DAPK1: variants seen among roughly 807,000 people sequenced by gnomAD.
The protein encoded by DAPK1 is death associated protein kinase 1, also known as death-associated protein kinase 1.
Under a neutral mutation model 144.9 loss-of-function variants are expected in DAPK1, and 56 were observed. The observed-to-expected ratio is 0.39, with a 90% confidence interval of 0.31 to 0.48. The LOEUF is 0.48. Among genes scored for constraint, DAPK1 ranks in the 20% least tolerant of loss-of-function variants. DAPK1 has a pLI of 0.95. For synonymous variants in DAPK1, 690 were observed against 749.0 expected (o/e 0.92, Z 1.29); for missense variants, 1,454 against 1,875.4 (o/e 0.78, Z 4.15).
intron 2 of DAPK1, among the ~76,000 whole-genome samples, chr9:87,514,991 A>C (rs1824989697): frequency 6.6e-6 from 1 of 152,198 alleles, no homozygotes; most frequent in Non-Finnish European, 1.5e-5. Context: ...TGGGAGAGAC[A>C]CTGACAAACT....
chr9:87,561,342 C>T (rs531340118), intron 2 of DAPK1, among the ~76,000 whole-genome samples: 32 of 152,130 alleles, frequency 2.1e-4, no homozygotes, highest in African/African-American at 6.5e-4. Flanking sequence ...CTGGCTAACA[C>T]GGTGAAACCT....
At chr9:87,703,635 G>C (rs36219779) in intron 25 of DAPK1, among the ~76,000 whole-genome samples, 1,843 of 152,286 alleles carry the variant, frequency 0.012, 41 homozygotes, top group African/African-American at 0.042. Flanking sequence ...GTTGAGAAAA[G>C]GCAGTGAGGT....
chr9:87,667,135 C>A (rs746441892), intron 18 of DAPK1, among the ~76,000 whole-genome samples: 13 of 152,062 alleles, frequency 8.5e-5, no homozygotes, highest in Non-Finnish European at 1.3e-4. Flanking sequence ...TTCTTGTGTC[C>A]ACAAAAAAAC....
At chr9:87,637,844 G>C in intron 3 of DAPK1, 99 bp from the exon 4 acceptor site, 1 of 1,357,462 alleles carries the variant, frequency 7.4e-7, no homozygotes, top group Non-Finnish European at 1.0e-6. Flanking sequence ...TCTTTATGCT[G>C]TTTTCTTGTC....
intron 3 of DAPK1, among the ~76,000 whole-genome samples, chr9:87,615,736 G>A (rs958043477): frequency 6.6e-6 from 1 of 152,192 alleles, no homozygotes; most frequent in African/African-American, 2.4e-5. Flanking sequence ...TCCCTGAAAT[G>A]ATCTCATTTA....
chr9:87,545,194 A>G (rs996391397), intron 2 of DAPK1, among the ~76,000 whole-genome samples: 1 of 152,180 alleles, frequency 6.6e-6, no homozygotes, highest in Non-Finnish European at 1.5e-5. Context: ...AGAAAATCTG[A>G]GGCCTCCACT....
At chr9:87,675,332 A>G (rs1200401234) in intron 19 of DAPK1, among the ~76,000 whole-genome samples, 2 of 152,090 alleles carry the variant, frequency 1.3e-5, no homozygotes, top group Non-Finnish European at 1.5e-5. Context: ...ACTGAAACCA[A>G]GACCTGAAGG....
Position 87,708,525 on chromosome 9 carries a change from T to C in DAPK1, c.*1161T>C, listed in dbSNP as rs1477745639. ...CATATGTATATATATATATGCACTATGTATATACATATATATTAATACTGG... is the reference window on the plus strand; with the variant it reads ...CATATGTATATATATATATGCACTACGTATATACATATATATTAATACTGG... On this transcript the variant is annotated 3_prime_UTR_variant, in exon 26 of 26. Transcript: ENST00000408954. 1 of 152,624 alleles carries C rather than the reference T, an allele frequency of 6.6e-6. No individual in the cohort carries two copies. Among genetic ancestry groups the C allele is most frequent in the African/African-American group, 2.4e-5 (1 of 41,450 alleles). The allele number at this position is 152,624 out of a possible 1,614,324, so 9.5% of individuals were successfully genotyped here. A position where few individuals can be genotyped will look rare whatever the true frequency, so the allele number is the denominator to read the frequency against.
At position 87,707,433 on chromosome 9, in the gene DAPK1, C is replaced by A. The variant is rs1214431591; in HGVS notation, c.*69C>A. 1.1e-5 allele frequency: 12 copies of A among 1,083,998 alleles called. No homozygotes were observed. The highest frequency in any genetic ancestry group is 1.5e-5 in the Non-Finnish European group (11 of 745,140). The allele number at this position is 1,083,998 out of a possible 1,614,324, so 67.1% of individuals were successfully genotyped here. The stretch of plus-strand genomic sequence containing the variant: ...CAAGGGGGTGATGTAGCCCATCCTT[C>A]CCTTTGGAGATGCTGAGGGTGTTTC... On this transcript the variant is annotated 3_prime_UTR_variant, in exon 26 of 26. Coordinates refer to ENST00000408954, the MANE Select transcript of DAPK1 (RefSeq NM_004938.4). This position sits in a 1 kb window ranked among gnomAD's most constrained non-coding sequence, Gnocchi z 4.0.
At chr9:87,633,000 A>G in intron 3 of DAPK1, 1 of 979,488 alleles carries the variant, frequency 1.0e-6, no homozygotes, top group Non-Finnish European at 1.2e-6. Flanking sequence ...ATGAGTATAC[A>G]TTAGGGATGA....
intron 2 of DAPK1, among the ~76,000 whole-genome samples, chr9:87,562,233 A>G (rs747187528): frequency 1.3e-5 from 2 of 152,172 alleles, no homozygotes; most frequent in Non-Finnish European, 2.9e-5. Context: ...TCATAGTTAT[A>G]CTGAGTTAGG....
At chr9:87,555,514 T>TTA (rs1826679237) in intron 2 of DAPK1, among the ~76,000 whole-genome samples, 1 of 151,686 alleles carries the variant, frequency 6.6e-6, no homozygotes, top group Admixed American at 6.6e-5. Flanking sequence ...TTATTTTTTT[T>TTA]TTTTTTGAGA....
chr9:87,519,153 G>A (rs79794744), intron 2 of DAPK1, among the ~76,000 whole-genome samples: 3,118 of 152,060 alleles, frequency 0.021, 99 homozygotes, highest in African/African-American at 0.071. Flanking sequence ...GGGCCCGGCC[G>A]ATGCCCCTGG....
intron 2 of DAPK1, among the ~76,000 whole-genome samples, chr9:87,499,994 G>C (rs1209571600): frequency 6.6e-6 from 1 of 152,110 alleles, no homozygotes; most frequent in Non-Finnish European, 1.5e-5. Flanking sequence ...ATTGTGAGTG[G>C]AGTAGGCAAA....
intron 2 of DAPK1, among the ~76,000 whole-genome samples, chr9:87,596,365 G>A (rs1176720609): frequency 6.6e-6 from 1 of 152,222 alleles, no homozygotes; most frequent in East Asian, 1.9e-4. Flanking sequence ...TTCCCAGGGT[G>A]GAGATCTGCT....
At position 87,604,944 on chromosome 9, in the gene DAPK1, C is replaced by T; in HGVS notation, c.63-10C>T. 3 of 1,612,364 alleles carry T rather than the reference C, an allele frequency of 1.9e-6. No individual in the cohort carries two copies. Among genetic ancestry groups the T allele is most frequent in the Non-Finnish European group, 2.5e-6 (3 of 1,178,464 alleles). ...TGAACGATAAAGAATCCTCCATCTT[C>T]TCTTTTCAGTGGACAGTTTGCGGTT... On this transcript the variant is annotated splice_polypyrimidine_tract_variant and intron_variant, in intron 2 of 25. Transcript: ENST00000408954.
chr9:87,509,351 C>T (rs1338994412), intron 2 of DAPK1, among the ~76,000 whole-genome samples: 1 of 152,070 alleles, frequency 6.6e-6, no homozygotes, highest in African/African-American at 2.4e-5. Context: ...AAAGCACAGC[C>T]TGCCAGCATT....
At chr9:87,675,487 C>T (rs1030971958) in intron 19 of DAPK1, among the ~76,000 whole-genome samples, 1 of 152,050 alleles carries the variant, frequency 6.6e-6, no homozygotes, top group East Asian at 1.9e-4. Flanking sequence ...AGAGGATGTA[C>T]CTGGGTGTGC....
chr9:87,608,135 A>G (rs567322115), intron 3 of DAPK1, among the ~76,000 whole-genome samples: 2 of 152,294 alleles, frequency 1.3e-5, no homozygotes, highest in Admixed American at 6.5e-5. Context: ...ACCTCCCACC[A>G]GGCCCCTCTT....
Sources: gnomAD v4.1 joint callset for allele counts (sites outside exome capture counted in the v4.1 genomes callset) on GRCh38, gnomAD v4.1.1 for gene constraint, Gnocchi (gnomAD v3.1) non-coding constraint, MANE v1.5 for transcripts, NCBI Gene and HGNC (gene_info 2026-07-23, HGNC 2026-07-21) for gene names.